UQCC1: variants seen among roughly 807,000 people sequenced by gnomAD.
UQCC1 encodes the protein ubiquinol-cytochrome c reductase complex assembly factor 1.
UQCC1 carries 38 observed loss-of-function variants against 48.0 expected under a neutral mutation model. That is an observed-to-expected ratio of 0.79 (90% confidence interval 0.61 to 1.04). The LOEUF is 1.04. UQCC1 is among the 50% of genes least tolerant of loss of function. The pLI is 0.00. For missense variants in UQCC1, 368 were observed against 381.8 expected, an observed-to-expected ratio of 0.96 and a Z score of 0.30; for synonymous variants, 111 against 129.2, an observed-to-expected ratio of 0.86 and a Z score of 0.95.
chr20:35,314,810 A>G, intron 7 of UQCC1, 45 bp from the exon 8 acceptor site: 1 of 1,500,160 alleles, frequency 6.7e-7, no homozygotes. Flanking sequence ...AGAAAGAAAG[A>G]AAAAAACCCA....
Position 35,341,207 on chromosome 20 carries a change from A to G in UQCC1, c.573+5957T>C, listed in dbSNP as rs1479590242. 3.6e-5 allele frequency among the ~76,000 whole-genome samples: 5 copies of G among 137,424 alleles called. No homozygotes were observed. The East Asian group carries it at 1.1e-3, about 29-fold the overall frequency. The allele number at this position is 137,424 out of a possible 152,430, so 90.2% of individuals were successfully genotyped here. On this transcript the variant is annotated intron_variant, in intron 7 of 9. Coordinates refer to ENST00000374385, the MANE Select transcript of UQCC1 (RefSeq NM_018244.5). ...CTGTACTCCAGTCTGGGTGACAGAG[A>G]GAGACTCCGTCAAAAAAAAAAAAAA...
At position 35,384,102 on chromosome 20, in the gene UQCC1, C is replaced by T; in HGVS notation, c.161G>A (p.Gly54Asp). ...WPQMSQSRAC[G>D]GSEQIPGIDI... The stretch of plus-strand genomic sequence containing the variant: ...TATTCCAGGAATCTGTTCTGATCCA[C>T]CACATGCTCGGGACTGGCTCATCTG... The change falls in exon 3 of 10, where the codon GGT becomes GAT. Residue 54 changes from glycine to aspartate, a missense_variant. Physicochemically the swap from Gly to Asp is moderately conservative, Grantham distance 94. Transcript: ENST00000374385. 6.2e-7 allele frequency: 1 copy of T among 1,613,192 alleles called. No individual in the cohort carries two copies. Among genetic ancestry groups the T allele is most frequent in the Non-Finnish European group, 8.5e-7 (1 of 1,179,228 alleles).
intron 4 of UQCC1, among the ~76,000 whole-genome samples, chr20:35,377,735 T>C (rs2061818775): frequency 6.6e-6 from 1 of 152,218 alleles, no homozygotes; most frequent in Non-Finnish European, 1.5e-5. Flanking sequence ...CCTGGGTTCA[T>C]AATTAATCAC....
At position 35,306,070 on chromosome 20, in the gene UQCC1, C is replaced by T. The variant is rs532536468; in HGVS notation, c.765+596G>A. On this transcript the variant is annotated intron_variant, in intron 9 of 9. Transcript: ENST00000374385. ...AGGTCAAGGAATTAATTCCCCGGGG[C>T]TTGAGGACAGCTATGTGGGTAAGCA... Among the ~76,000 whole-genome samples, 12 of 152,306 alleles carry T rather than the reference C, an allele frequency of 7.9e-5. No individual in the cohort carries two copies. In the East Asian group the frequency reaches 2.3e-3, roughly 29 times the overall value.
chr20:35,321,131 GACA>G (rs2061119684), intron 7 of UQCC1, among the ~76,000 whole-genome samples: 1 of 152,176 alleles, frequency 6.6e-6, no homozygotes, highest in Non-Finnish European at 1.5e-5. Context: ...AGAGTAGACA[GACA>G]AGAGAGACGG....
chr20:35,331,873 C>T (rs2061261062), intron 7 of UQCC1, among the ~76,000 whole-genome samples: 1 of 152,194 alleles, frequency 6.6e-6, no homozygotes, highest in African/African-American at 2.4e-5. Flanking sequence ...CCAAATACAG[C>T]ATCCTGATAG....
intron 6 of UQCC1, among the ~76,000 whole-genome samples, chr20:35,361,353 G>A (rs1487938440): frequency 6.6e-6 from 1 of 151,796 alleles, no homozygotes. Context: ...TTCCCTGACT[G>A]ACCCACCCCT....
chr20:35,322,948 C>T (rs1437263185), intron 7 of UQCC1, among the ~76,000 whole-genome samples: 2 of 151,914 alleles, frequency 1.3e-5, no homozygotes, highest in South Asian at 2.1e-4. Flanking sequence ...CCCGGGTTCA[C>T]GCCATTCTCC....
intron 7 of UQCC1, chr20:35,345,078 C>T (rs2061418664): frequency 6.6e-6 from 1 of 152,296 alleles, no homozygotes; most frequent in African/African-American, 2.4e-5. Flanking sequence ...CTCCTCACCC[C>T]TTCCCCCATC....
chr20:35,392,851 T>C (rs1228038241), intron 2 of UQCC1, among the ~76,000 whole-genome samples: 1 of 151,668 alleles, frequency 6.6e-6, no homozygotes, highest in Non-Finnish European at 1.5e-5. Flanking sequence ...AAACATATTT[T>C]TAATTGCATC....
intron 7 of UQCC1, among the ~76,000 whole-genome samples, chr20:35,315,762 T>C (rs758667585): frequency 2.6e-5 from 4 of 152,134 alleles, no homozygotes; most frequent in Non-Finnish European, 4.4e-5. Flanking sequence ...TAGTGGTGCA[T>C]GACTGTAGTC....
Position 35,355,998 on chromosome 20 carries a change from C to G in UQCC1, c.465-8726G>C, listed in dbSNP as rs144585787. On this transcript the variant is annotated intron_variant, in intron 6 of 9. Transcript: ENST00000374385. Reference sequence around the variant, plus strand: ...TCCTGGGCTCAAGCCATCCTTCTACCTCAGCCTCCCAAGTAGCTGGGACTT... The same window carrying G: ...TCCTGGGCTCAAGCCATCCTTCTACGTCAGCCTCCCAAGTAGCTGGGACTT... Among the ~76,000 whole-genome samples, 13 of 152,162 alleles carry G rather than the reference C, an allele frequency of 8.5e-5. No homozygotes were observed. In the East Asian group the frequency reaches 2.5e-3, roughly 29 times the overall value.
At chr20:35,373,687 C>CAAAAAAA (rs5841203) in intron 5 of UQCC1, among the ~76,000 whole-genome samples, 1 of 86,308 alleles carries the variant, frequency 1.2e-5, no homozygotes, top group Admixed American at 1.3e-4. Context: ...GACTCCATCT[C>CAAAAAAA]AAAAAAAAAA....
chr20:35,403,973 C>T (rs2062207683), intron 1 of UQCC1, among the ~76,000 whole-genome samples: 1 of 151,698 alleles, frequency 6.6e-6, no homozygotes. Context: ...CGTGGTGGCT[C>T]ATGCCTGTAA....
intron 5 of UQCC1, among the ~76,000 whole-genome samples, chr20:35,367,100 AAAAAAAAAACAAAC>A (rs1332295487): frequency 6.6e-6 from 1 of 150,718 alleles, no homozygotes; most frequent in Non-Finnish European, 1.5e-5. Context: ...TCTAAAAAAA[AAAAAAAAAACAAAC>A]AAAAAAACAA....
intron 3 of UQCC1, among the ~76,000 whole-genome samples, chr20:35,382,512 C>CTTTTTT (rs1162371421): frequency 6.7e-4 from 73 of 108,236 alleles, no homozygotes; most frequent in African/African-American, 9.0e-4. Flanking sequence ...TTTCTTTTTT[C>CTTTTTT]TTTTTTTTTT....
At chr20:35,358,867 G>A (rs1259503168) in intron 6 of UQCC1, among the ~76,000 whole-genome samples, 1 of 152,094 alleles carries the variant, frequency 6.6e-6, no homozygotes, top group Admixed American at 6.6e-5. Context: ...GCCTGATGAT[G>A]TTCTTAAACC....
rs1305731403 is a variant in UQCC1, at chr20:35,306,663, C to T, written c.765+3G>A. ...TTGGGAGGGGAGGGAAAGGGTCACT[C>T]ACCTGTTTCCTCACATACTCTACCA... On this transcript the variant is annotated splice_donor_region_variant and intron_variant, in intron 9 of 9. Coordinates refer to ENST00000374385, the MANE Select transcript of UQCC1 (RefSeq NM_018244.5). 2 of 1,612,378 alleles carry T rather than the reference C, an allele frequency of 1.2e-6. No individual in the cohort carries two copies. The highest frequency in any genetic ancestry group is 2.2e-5 in the East Asian group (1 of 44,878).
chr20:35,385,212 T>A (rs545606798), intron 2 of UQCC1, among the ~76,000 whole-genome samples: 135 of 152,046 alleles, frequency 8.9e-4, no homozygotes, highest in Non-Finnish European at 1.3e-3. Flanking sequence ...TGAAAGAAGG[T>A]AAGATATATA....
Sources: gnomAD v4.1 joint callset for allele counts (sites outside exome capture counted in the v4.1 genomes callset) on GRCh38, gnomAD v4.1.1 for gene constraint, MANE v1.5 for transcripts, NCBI Gene and HGNC (gene_info 2026-07-23, HGNC 2026-07-21) for gene names.